Variants in SDK1 observed in about 807,000 individuals in gnomAD.
The protein encoded by SDK1 is protein sidekick-1.
Under a neutral mutation model 245.5 loss-of-function variants are expected in SDK1, and 157 were observed. That is an observed-to-expected ratio of 0.64 (90% CI 0.56 to 0.73). SDK1 has a LOEUF of 0.73. Ranked by LOEUF, SDK1 falls within the 30% of genes least tolerant of loss-of-function variation. The probability of loss-of-function intolerance (pLI) is 0.00; values close to 1 mark genes in which losing one functional copy is unlikely to be tolerated. For missense variants in SDK1, 3,583 were observed against 3,002.3 expected (o/e 1.19, Z -4.52); for synonymous variants, 1,647 against 1,278.5 (o/e 1.29, Z -6.15).
chr7:4,248,674 C>A (rs28971555), intron 44 of SDK1, among the ~76,000 whole-genome samples: 3,258 of 151,866 alleles, frequency 0.021, 126 homozygotes, highest in African/African-American at 0.072. Flanking sequence ...AACTACACAC[C>A]TGAATACATG....
intron 1 of SDK1, among the ~76,000 whole-genome samples, chr7:3,423,520 A>G (rs1283663598): frequency 6.6e-6 from 1 of 151,630 alleles, no homozygotes; most frequent in African/African-American, 2.4e-5. Flanking sequence ...TTCGGGAATG[A>G]GAGGTTAATC....
chr7:3,684,908 T>C (rs766743676), intron 4 of SDK1, among the ~76,000 whole-genome samples: 2 of 152,082 alleles, frequency 1.3e-5, no homozygotes, highest in Non-Finnish European at 2.9e-5. Context: ...ATCCATGAAC[T>C]TGAGGACAGG....
chr7:3,757,089 C>G (rs1165507945), intron 4 of SDK1, among the ~76,000 whole-genome samples: 2 of 152,094 alleles, frequency 1.3e-5, no homozygotes, highest in Non-Finnish European at 1.5e-5. Flanking sequence ...TGCAATTCAA[C>G]TGAATTACAA....
At chr7:3,842,351 C>T (rs1394671779) in intron 5 of SDK1, among the ~76,000 whole-genome samples, 4 of 152,192 alleles carry the variant, frequency 2.6e-5, no homozygotes, top group African/African-American at 9.7e-5. Context: ...GACCAACAGT[C>T]AAAGAAGTCA....
chr7:3,707,658 C>A (rs539347571), intron 4 of SDK1, among the ~76,000 whole-genome samples: 2 of 152,224 alleles, frequency 1.3e-5, no homozygotes, highest in Middle Eastern at 3.4e-3. Flanking sequence ...CTGAAGGCCC[C>A]CCCTATTATC....
chr7:3,316,178 A>T (rs1442377324), intron 1 of SDK1, among the ~76,000 whole-genome samples: 18 of 152,260 alleles, frequency 1.2e-4, no homozygotes, highest in Admixed American at 1.2e-3. Flanking sequence ...TTTTGTATTT[A>T]AAACTTTCAG....
intron 1 of SDK1, among the ~76,000 whole-genome samples, chr7:3,550,215 A>T (rs1779357216): frequency 6.6e-6 from 1 of 152,216 alleles, no homozygotes; most frequent in Non-Finnish European, 1.5e-5. Context: ...AGCACCAATT[A>T]TAAAGGATTT....
rs546284098 is a variant in SDK1, at chr7:4,036,979, A to G, written c.2603-12369A>G. Among the ~76,000 whole-genome samples the G allele has an allele frequency of 2.0e-5, 3 of 152,290 alleles. No individual in the cohort carries two copies. In the East Asian group the frequency reaches 5.8e-4, roughly 29 times the overall value. Reference sequence around the variant, plus strand: ...ATTCACTCAGGTGCCCAAAGACGTCATTTAAGAGGCCGTTTTTGATACCAA... The same window carrying G: ...ATTCACTCAGGTGCCCAAAGACGTCGTTTAAGAGGCCGTTTTTGATACCAA... On this transcript the variant is annotated intron_variant, in intron 17 of 44. Transcript: ENST00000404826.
intron 4 of SDK1, among the ~76,000 whole-genome samples, chr7:3,670,462 A>T (rs976009392): frequency 2.6e-5 from 4 of 152,204 alleles, no homozygotes; most frequent in African/African-American, 7.2e-5. Flanking sequence ...ACAAAACAAA[A>T]CTTTTATTAA....
chr7:3,416,031 G>C (rs183730233), intron 1 of SDK1, among the ~76,000 whole-genome samples: 1 of 152,304 alleles, frequency 6.6e-6, no homozygotes. Context: ...TAATAAAGCA[G>C]ATGGTGTGTG....
intron 1 of SDK1, among the ~76,000 whole-genome samples, chr7:3,304,015 T>C (rs1170903429): frequency 2.6e-5 from 4 of 152,194 alleles, no homozygotes; most frequent in African/African-American, 7.2e-5. Context: ...CTAATTTCTC[T>C]GCACCTCATG....
At chr7:3,474,122 T>TTTTTG (rs1781272481) in intron 1 of SDK1, among the ~76,000 whole-genome samples, 1 of 116,560 alleles carries the variant, frequency 8.6e-6, no homozygotes, top group African/African-American at 3.3e-5. Flanking sequence ...TTTTTTTTTT[T>TTTTTG]GAGACCGTGT....
intron 4 of SDK1, among the ~76,000 whole-genome samples, chr7:3,656,641 G>C (rs1477655716): frequency 6.6e-6 from 1 of 152,116 alleles, no homozygotes; most frequent in Non-Finnish European, 1.5e-5. Context: ...GGAAAGCCAA[G>C]GGTCAGTGGG....
At chr7:4,253,782 T>G (rs1276961610) in intron 44 of SDK1, among the ~76,000 whole-genome samples, 1 of 152,220 alleles carries the variant, frequency 6.6e-6, no homozygotes, top group Non-Finnish European at 1.5e-5. Flanking sequence ...TTTAATTTCA[T>G]GTATTTTGAG....
In SDK1 at chr7:4,176,164, A is replaced by T. The variant is rs886143866; in HGVS notation, c.4996+330A>T. Among the ~76,000 whole-genome samples the T allele has an allele frequency of 8.1e-3, 1,092 of 134,274 alleles. 7 individuals are homozygous for T. The highest frequency in any genetic ancestry group is 0.012 in the Non-Finnish European group (745 of 62,012). 88.1% of individuals were successfully genotyped at this position (134,274 alleles called of 152,430 possible). A position where few individuals can be genotyped will look rare whatever the true frequency, so the allele number is the denominator to read the frequency against. On this transcript the variant is annotated intron_variant, in intron 34 of 44. Coordinates refer to ENST00000404826, the MANE Select transcript of SDK1 (RefSeq NM_152744.4). The stretch of plus-strand genomic sequence containing the variant: ...CACTCTTTTTTCTTTTCTTTTCTTT[A>T]CTTTTTTTTTTTTTTAGAGACAGAG...
At chr7:4,068,637 T>A (rs1209504249) in intron 20 of SDK1, among the ~76,000 whole-genome samples, 1 of 151,500 alleles carries the variant, frequency 6.6e-6, no homozygotes, top group East Asian at 1.9e-4. Flanking sequence ...TAGAGGCCCC[T>A]GGGCAGTGAG....
At chr7:3,430,571 C>G (rs1429030783) in intron 1 of SDK1, among the ~76,000 whole-genome samples, 1 of 152,214 alleles carries the variant, frequency 6.6e-6, no homozygotes, top group Non-Finnish European at 1.5e-5. Flanking sequence ...CTCTAGCCAT[C>G]TGAGCCTCCT....
At chr7:3,994,223 G>C (rs1784542880) in intron 14 of SDK1, among the ~76,000 whole-genome samples, 1 of 152,118 alleles carries the variant, frequency 6.6e-6, no homozygotes, top group African/African-American at 2.4e-5. Context: ...TCTCTGCTAA[G>C]CCTCAGATTC....
intron 1 of SDK1, among the ~76,000 whole-genome samples, chr7:3,467,840 T>A (rs1335730247): frequency 6.6e-6 from 1 of 152,180 alleles, no homozygotes; most frequent in Non-Finnish European, 1.5e-5. Flanking sequence ...AGCATTAGAC[T>A]TTATTAGCTT....
Sources: allele counts gnomAD v4.1 joint callset (sites outside exome capture counted in the v4.1 genomes callset), GRCh38; gene constraint gnomAD v4.1.1; transcripts MANE v1.5; gene names NCBI Gene and HGNC (gene_info 2026-07-23, HGNC 2026-07-21).